DIAPH3: variants seen among roughly 807,000 people sequenced by gnomAD.
DIAPH3 encodes diaphanous related formin 3.
DIAPH3 carries 117 observed loss-of-function variants against 144.3 expected under a neutral mutation model. The observed-to-expected ratio is 0.81, with a 90% CI of 0.70 to 0.95. The LOEUF (loss-of-function observed/expected upper bound fraction) is 0.95, where lower values mean the gene tolerates loss of function less well. Among genes scored for constraint, DIAPH3 ranks in the 40% least tolerant of loss-of-function variants. DIAPH3 has a pLI of 0.00. For synonymous variants in DIAPH3, 519 were observed against 488.9 expected (o/e 1.06, Z -0.81); for missense variants, 1,421 against 1,412.7 (o/e 1.01, Z -0.09).
intron 4 of DIAPH3, among the ~76,000 whole-genome samples, chr13:60,056,723 T>C (rs1294067251): frequency 6.6e-6 from 1 of 151,732 alleles, no homozygotes; most frequent in Non-Finnish European, 1.5e-5. Context: ...CAAAGAATGA[T>C]AGGGACAAAA....
At chr13:59,743,676 T>C (rs895090069) in intron 27 of DIAPH3, among the ~76,000 whole-genome samples, 1 of 152,182 alleles carries the variant, frequency 6.6e-6, no homozygotes, top group African/African-American at 2.4e-5. Context: ...TTCTAGCCCT[T>C]TTGATTCTAT....
chr13:59,842,504 G>T (rs1015519024), intron 22 of DIAPH3, among the ~76,000 whole-genome samples: 8 of 151,992 alleles, frequency 5.3e-5, no homozygotes, highest in African/African-American at 1.9e-4. Context: ...CCTACAATTG[G>T]AGTTAGTGCA....
chr13:60,094,773 G>A (rs1490080271), intron 3 of DIAPH3, among the ~76,000 whole-genome samples: 1 of 151,988 alleles, frequency 6.6e-6, no homozygotes, highest in Non-Finnish European at 1.5e-5. Context: ...CAAACCCTTC[G>A]AGCACTTAAA....
chr13:59,835,269 C>T (rs2041986282), intron 23 of DIAPH3, among the ~76,000 whole-genome samples: 1 of 151,676 alleles, frequency 6.6e-6, no homozygotes, highest in African/African-American at 2.4e-5. Context: ...GCTAACAAGT[C>T]AGGCAAAGTC....
rs1414234667 is a variant in DIAPH3 at position 60,150,746 on chromosome 13, G to C, written c.180+12841C>G. ...CCAGTTCAGCCACAGAAGCCTGCCA[G>C]GTTGCTCCAGGCTTGGAGATCTGAG... On this transcript the variant is annotated intron_variant, in intron 1 of 27. Transcript: ENST00000400324. Among the ~76,000 whole-genome samples, 3 of 152,278 alleles carry C rather than the reference G, an allele frequency of 2.0e-5. No homozygotes were observed. In the South Asian group the frequency reaches 6.2e-4, roughly 32 times the overall value.
intron 27 of DIAPH3, among the ~76,000 whole-genome samples, chr13:59,690,698 A>G (rs1276495535): frequency 6.6e-6 from 1 of 152,146 alleles, no homozygotes; most frequent in Non-Finnish European, 1.5e-5. Flanking sequence ...TTGGGAATAC[A>G]CTGGTTTCAA....
chr13:59,942,778 C>A (rs2048600963), intron 17 of DIAPH3, among the ~76,000 whole-genome samples: 1 of 151,936 alleles, frequency 6.6e-6, no homozygotes, highest in Non-Finnish European at 1.5e-5. Flanking sequence ...ATTAAATGAG[C>A]TCATACCATA....
chr13:59,762,025 G>T (rs1211184774), intron 27 of DIAPH3, among the ~76,000 whole-genome samples: 5 of 140,930 alleles, frequency 3.5e-5, no homozygotes, highest in African/African-American at 1.3e-4. Context: ...AGAGAGAACA[G>T]AGCACCCAAG....
chr13:59,731,111 T>C (rs1041059382), intron 27 of DIAPH3, among the ~76,000 whole-genome samples: 1 of 152,194 alleles, frequency 6.6e-6, no homozygotes, highest in Non-Finnish European at 1.5e-5. Context: ...AGCTTGAATG[T>C]GACTAAGAAA....
chr13:59,808,006 C>G (rs2040280968), intron 25 of DIAPH3, among the ~76,000 whole-genome samples: 1 of 151,142 alleles, frequency 6.6e-6, no homozygotes, highest in South Asian at 2.1e-4. Context: ...ACCTATATAT[C>G]AAATATATGA....
chr13:59,930,871 G>A (rs375100129), intron 17 of DIAPH3, among the ~76,000 whole-genome samples: 3 of 152,116 alleles, frequency 2.0e-5, no homozygotes, highest in African/African-American at 7.2e-5. Context: ...ATAACAACAG[G>A]GAAGGAGAGT....
chr13:59,773,981 T>C (rs556539651), intron 27 of DIAPH3: 2 of 525,368 alleles, frequency 3.8e-6, no homozygotes, highest in Admixed American at 3.7e-5. Flanking sequence ...AGAGACCTGA[T>C]AGAAGAACCT....
intron 5 of DIAPH3, among the ~76,000 whole-genome samples, chr13:60,019,246 G>T (rs530171116): frequency 4.6e-5 from 7 of 152,124 alleles, no homozygotes; most frequent in Non-Finnish European, 1.0e-4. Context: ...ATCTATAAAT[G>T]ATTAATTTCC....
At chr13:59,777,740 G>A (rs1293043714) in intron 25 of DIAPH3, among the ~76,000 whole-genome samples, 1 of 152,156 alleles carries the variant, frequency 6.6e-6, no homozygotes, top group Non-Finnish European at 1.5e-5. Context: ...GGGACATTCT[G>A]TGACACAACT....
At position 59,965,539 on chromosome 13, in the gene DIAPH3, TAA is replaced by T. The variant is rs34273562; in HGVS notation, c.2074+4403_2074+4404del. Among the ~76,000 whole-genome samples the T allele has an allele frequency of 7.0e-3, 1,015 of 145,288 alleles. 6 individuals are homozygous for T. Among genetic ancestry groups the T allele is most frequent in the Admixed American group, 0.026 (382 of 14,720 alleles). On this transcript the variant is annotated intron_variant, in intron 17 of 27. Transcript: ENST00000400324. ...TAACCAACAGATGCTTCCAATCTGG[TAA>T]AAAAAAAAAAAAAAATACATAGGTC...
chr13:59,870,584 T>A (rs1178028578), intron 21 of DIAPH3, among the ~76,000 whole-genome samples: 2 of 152,070 alleles, frequency 1.3e-5, no homozygotes, highest in Non-Finnish European at 2.9e-5. Context: ...ACCTTAATAG[T>A]ACTGAGACAT....
At chr13:59,874,077 C>T (rs1377240831) in intron 21 of DIAPH3, among the ~76,000 whole-genome samples, 1 of 152,116 alleles carries the variant, frequency 6.6e-6, no homozygotes, top group Non-Finnish European at 1.5e-5. Context: ...TCCAGATCAC[C>T]AGTCAGGGAT....
Position 59,871,194 on chromosome 13 carries a change from T to TG in DIAPH3, c.2607+8034_2607+8035insC, listed in dbSNP as rs1566443916. 3.2e-5 allele frequency among the ~76,000 whole-genome samples: 3 copies of TG among 92,628 alleles called. No individual in the cohort carries two copies. The South Asian group carries it at 1.2e-3, about 38-fold the overall frequency. 60.8% of individuals were successfully genotyped at this position (92,628 alleles called of 152,430 possible). ...GAGGTTTATTTTTTGTCCATTTTTT[T>TG]TGGGGGGGGGGGTGGCGGGCATTCT... On this transcript the variant is annotated intron_variant, in intron 21 of 27. Coordinates refer to ENST00000400324, the MANE Select transcript of DIAPH3 (RefSeq NM_001042517.2).
At position 60,159,806 on chromosome 13, in the gene DIAPH3, G is replaced by T. The variant is rs140805374; in HGVS notation, c.180+3781C>A. 2.2e-3 allele frequency among the ~76,000 whole-genome samples: 334 copies of T among 152,184 alleles called. 4 individuals are homozygous for T. The highest frequency in any genetic ancestry group is 7.7e-3 in the African/African-American group (321 of 41,518). On this transcript the variant is annotated intron_variant, in intron 1 of 27. Transcript: ENST00000400324. Reference sequence around the variant, plus strand: ...TACCTACCTCACAAGGTTGTTCTAAGAATTAAAGGAGTTGATAATTACAAC... The same window carrying T: ...TACCTACCTCACAAGGTTGTTCTAATAATTAAAGGAGTTGATAATTACAAC...
Sources: allele counts gnomAD v4.1 joint callset (sites outside exome capture counted in the v4.1 genomes callset), GRCh38; gene constraint gnomAD v4.1.1; transcripts MANE v1.5; gene names NCBI Gene and HGNC (gene_info 2026-07-23, HGNC 2026-07-21).